Variants in SUZ12 observed in about 807,000 individuals in gnomAD.
The protein encoded by SUZ12 is SUZ12 polycomb repressive complex 2 subunit.
In SUZ12, 17 loss-of-function variants were observed where a neutral mutation model predicts 87.3. That is an observed-to-expected ratio of 0.19 (90% CI 0.13 to 0.29). SUZ12 has a LOEUF of 0.29. Among genes scored for constraint, SUZ12 ranks in the 10% least tolerant of loss-of-function variants. The pLI, the probability that SUZ12 is intolerant of heterozygous loss-of-function variation, is 1.00. For synonymous variants in SUZ12, 253 were observed against 312.4 expected, an observed-to-expected ratio of 0.81 and a Z score of 2.01; for missense variants, 526 against 912.2, an observed-to-expected ratio of 0.58 and a Z score of 5.45.
intron 4 of SUZ12, among the ~76,000 whole-genome samples, chr17:31,963,399 C>T (rs1249533697): frequency 6.6e-6 from 1 of 150,834 alleles, no homozygotes; most frequent in African/African-American, 2.4e-5. Context: ...CGCCTCATCT[C>T]CCATCCCGCC....
intron 4 of SUZ12, among the ~76,000 whole-genome samples, chr17:31,961,010 G>A (rs1373701606): frequency 2.6e-5 from 4 of 152,058 alleles, no homozygotes; most frequent in Non-Finnish European, 5.9e-5. Flanking sequence ...TCAGGAGTTT[G>A]AGACCAGCCT....
intron 9 of SUZ12, among the ~76,000 whole-genome samples, chr17:31,983,426 C>T (rs1488415229): frequency 6.6e-6 from 1 of 151,384 alleles, no homozygotes; most frequent in East Asian, 1.9e-4. Context: ...TGTGATTCTG[C>T]GTGCCACCAC....
intron 4 of SUZ12, among the ~76,000 whole-genome samples, chr17:31,950,615 C>G (rs1906910594): frequency 6.6e-6 from 1 of 152,180 alleles, no homozygotes; most frequent in East Asian, 1.9e-4. Context: ...ACCCGGGAGG[C>G]AGAGGTTGCA....
rs975066104 is a variant in SUZ12, at chr17:32,000,942, TA to T, written c.*1947del. Reference sequence around the variant, plus strand: ...AAGCATTTGAATGGTACAGTAGATGTAAAAAAAATTCAGTTTAAAAGAACAT... The same window carrying T: ...AAGCATTTGAATGGTACAGTAGATGTAAAAAAATTCAGTTTAAAAGAACAT... On this transcript the variant is annotated 3_prime_UTR_variant, in exon 16 of 16. Coordinates refer to ENST00000322652, the MANE Select transcript of SUZ12 (RefSeq NM_015355.4). 2.3e-5 allele frequency: 5 copies of T among 220,308 alleles called. No homozygotes were observed. Among genetic ancestry groups the T allele is most frequent in the African/African-American group, 6.7e-5 (3 of 44,662 alleles). 13.6% of individuals were successfully genotyped at this position (220,308 alleles called of 1,614,324 possible).
intron 4 of SUZ12, among the ~76,000 whole-genome samples, chr17:31,952,017 C>T (rs552341213): frequency 6.6e-6 from 1 of 152,134 alleles, no homozygotes; most frequent in African/African-American, 2.4e-5. Context: ...TCAAGTGATC[C>T]TTCCACCTTG....
At chr17:31,983,545 G>A (rs1163715890) in intron 9 of SUZ12, among the ~76,000 whole-genome samples, 1 of 152,000 alleles carries the variant, frequency 6.6e-6, no homozygotes, top group Admixed American at 6.6e-5. Context: ...CTCCCAAAGC[G>A]CTGGGATTAC....
intron 1 of SUZ12, 137 bp from the exon 2 acceptor site, chr17:31,940,149 A>G: frequency 7.6e-7 from 1 of 1,307,826 alleles, no homozygotes; most frequent in Non-Finnish European, 1.0e-6. Flanking sequence ...TCTTGATGTA[A>G]ATATTTAGTG....
At chr17:31,968,667 C>T (rs1337546811) in intron 5 of SUZ12, among the ~76,000 whole-genome samples, 1 of 152,058 alleles carries the variant, frequency 6.6e-6, no homozygotes, top group African/African-American at 2.4e-5. Context: ...TTTTTGTTTT[C>T]CTTAAATTAT....
Position 31,994,700 on chromosome 17 carries a change from T to A in SUZ12, c.1574T>A (p.Ile525Asn). The A allele has an allele frequency of 6.2e-7, 1 of 1,613,788 alleles. No individual in the cohort carries two copies. Among genetic ancestry groups the A allele is most frequent in the Non-Finnish European group, 8.5e-7 (1 of 1,179,910 alleles). ...SRNGPVKRTP[I>N]THILVCRPKR... ...AACGGACCAGTTAAGAGAACACCTA[T>A]CACACATATTCTTGTGTGCAGGTAG... is the stretch of plus-strand genomic sequence containing the variant. Residue 525 changes from isoleucine to asparagine, a missense_variant, in exon 13 of 16, where the codon ATC becomes AAC. This residue lies in a region of SUZ12 where 143 missense variants were observed against 321.6 expected (regional missense o/e 0.44). Transcript: ENST00000322652.
intron 4 of SUZ12, among the ~76,000 whole-genome samples, chr17:31,958,027 C>G (rs1392370632): frequency 1.3e-5 from 2 of 151,386 alleles, no homozygotes; most frequent in Non-Finnish European, 2.9e-5. Flanking sequence ...CTCAGCCTCC[C>G]GAGTAGCTGG....
intron 4 of SUZ12, among the ~76,000 whole-genome samples, chr17:31,957,887 C>T (rs1307119728): frequency 1.6e-5 from 2 of 127,756 alleles, no homozygotes; most frequent in East Asian, 4.4e-4. Context: ...CCTGGCTCAC[C>T]TTTTGTCCTT....
chr17:31,968,849 A>G (rs1205038876), intron 5 of SUZ12, among the ~76,000 whole-genome samples: 1 of 152,254 alleles, frequency 6.6e-6, no homozygotes, highest in Admixed American at 6.5e-5. Flanking sequence ...TCCATCACTG[A>G]AATTTTTGGA....
Position 31,988,451 on chromosome 17 carries a change from CCAT to C in SUZ12, c.1158_1160del (p.His386del). 1 of 1,610,868 alleles carries C rather than the reference CCAT, an allele frequency of 6.2e-7. No homozygotes were observed. Among genetic ancestry groups the C allele is most frequent in the Non-Finnish European group, 8.5e-7 (1 of 1,179,182 alleles). On this transcript the variant is annotated inframe_deletion, in exon 10 of 16. Coordinates refer to ENST00000322652, the MANE Select transcript of SUZ12 (RefSeq NM_015355.4). ...TTGCCACTAGAAATTCAGAGAGTCTCCATCAGGAAAACAAGCCTGGTTCAGTTA... is the reference window on the plus strand; with the variant it reads ...TTGCCACTAGAAATTCAGAGAGTCTCCAGGAAAACAAGCCTGGTTCAGTTA...
At chr17:31,941,019 A>C (rs184047527) in intron 3 of SUZ12, among the ~76,000 whole-genome samples, 124 of 152,168 alleles carry the variant, frequency 8.1e-4, no homozygotes, top group East Asian at 3.7e-3. Flanking sequence ...CAAAGAAAAA[A>C]AAAACAAAAC....
At position 31,957,977 on chromosome 17, in the gene SUZ12, A is replaced by C. The variant is rs538649411; in HGVS notation, c.456-8170A>C. Among the ~76,000 whole-genome samples the C allele has an allele frequency of 4.4e-5, 6 of 135,500 alleles. No individual in the cohort carries two copies. In the East Asian group the frequency reaches 1.3e-3, roughly 30 times the overall value. The allele number at this position is 135,500 out of a possible 152,430, so 88.9% of individuals were successfully genotyped here. On this transcript the variant is annotated intron_variant, in intron 4 of 15. Coordinates refer to ENST00000322652, the MANE Select transcript of SUZ12 (RefSeq NM_015355.4). ...GAGTTCAGTGGCGCAATCTCCGCTC[A>C]CTGCAAGTTCTGCCTCCCGGGTTCA...
chr17:31,979,728 C>T (rs1391591086), intron 8 of SUZ12, among the ~76,000 whole-genome samples: 5 of 152,144 alleles, frequency 3.3e-5, no homozygotes, highest in Non-Finnish European at 7.3e-5. Context: ...AATATTTCTC[C>T]ATTGTAACAG....
intron 10 of SUZ12, among the ~76,000 whole-genome samples, chr17:31,992,974 G>C (rs993704344): frequency 7.2e-5 from 11 of 152,028 alleles, no homozygotes; most frequent in Non-Finnish European, 5.9e-5. Flanking sequence ...CAATGTGCTG[G>C]GATTACAGGC....
chr17:31,945,070 A>G (rs1391764432), intron 3 of SUZ12, among the ~76,000 whole-genome samples: 4 of 149,474 alleles, frequency 2.7e-5, no homozygotes, highest in Non-Finnish European at 1.5e-5. Context: ...TCAAAAAAAA[A>G]AAAAAAAAAA....
At chr17:31,951,128 G>T (rs186444236) in intron 4 of SUZ12, among the ~76,000 whole-genome samples, 23 of 152,212 alleles carry the variant, frequency 1.5e-4, no homozygotes, top group Admixed American at 8.5e-4. Context: ...ATCTGTACAG[G>T]TCTAGTCTGG....
Sources: allele counts gnomAD v4.1 joint callset (sites outside exome capture counted in the v4.1 genomes callset), GRCh38; gene constraint gnomAD v4.1.1; regional missense constraint gnomAD v4.1.1; transcripts MANE v1.5; gene names NCBI Gene and HGNC (gene_info 2026-07-23, HGNC 2026-07-21).